FHIT: variants seen among roughly 807,000 people sequenced by gnomAD.
The protein encoded by FHIT is bis(5'-adenosyl)-triphosphatase.
Under a neutral mutation model 17.9 loss-of-function variants are expected in FHIT, and 19 were observed. The observed-to-expected ratio is 1.06, with a 90% CI of 0.74 to 1.56. FHIT has a LOEUF of 1.56. Ranked by LOEUF, FHIT falls within the 40% of genes most tolerant of loss-of-function variation. The pLI is 0.00. For missense variants in FHIT, 248 were observed against 189.2 expected (o/e 1.31, Z -1.82); for synonymous variants, 81 against 69.7 (o/e 1.16, Z -0.81).
At chr3:60,808,950 GT>G (rs1701485768) in intron 4 of FHIT, among the ~76,000 whole-genome samples, 1 of 152,104 alleles carries the variant, frequency 6.6e-6, no homozygotes, top group South Asian at 2.1e-4. Context: ...ACACGAAACA[GT>G]TTTTGTATGT....
At chr3:60,625,355 G>A (rs1295491753) in intron 4 of FHIT, among the ~76,000 whole-genome samples, 3 of 152,172 alleles carry the variant, frequency 2.0e-5, no homozygotes, top group African/African-American at 7.2e-5. Flanking sequence ...ACCTTTTGGG[G>A]AAATGATAGA....
chr3:59,895,774 G>A (rs1197697148), intron 8 of FHIT, among the ~76,000 whole-genome samples: 3 of 152,178 alleles, frequency 2.0e-5, no homozygotes, highest in South Asian at 2.1e-4. Flanking sequence ...TGTTAAAGGC[G>A]TTAATCAGAT....
At chr3:61,217,408 C>T (rs2039714045) in intron 1 of FHIT, among the ~76,000 whole-genome samples, 1 of 152,216 alleles carries the variant, frequency 6.6e-6, no homozygotes, top group Non-Finnish European at 1.5e-5. Context: ...GCTGAGACCA[C>T]AGCTAGAGCT....
At chr3:61,224,462 G>A (rs1018636427) in intron 1 of FHIT, among the ~76,000 whole-genome samples, 4 of 152,038 alleles carry the variant, frequency 2.6e-5, no homozygotes, top group Non-Finnish European at 5.9e-5. Context: ...TATCGCCCAG[G>A]CTGGAATGCA....
At chr3:60,689,717 G>C (rs2040942999) in intron 4 of FHIT, among the ~76,000 whole-genome samples, 1 of 152,066 alleles carries the variant, frequency 6.6e-6, no homozygotes, top group Non-Finnish European at 1.5e-5. Flanking sequence ...CAAATATTTA[G>C]AATATTTGAG....
At chr3:60,739,918 G>C (rs1553713556) in intron 4 of FHIT, among the ~76,000 whole-genome samples, 1 of 152,152 alleles carries the variant, frequency 6.6e-6, no homozygotes, top group Admixed American at 6.6e-5. Flanking sequence ...TCCTGCTCCT[G>C]AGAAGCTCAC....
chr3:61,210,860 A>G (rs2039442999), intron 1 of FHIT, among the ~76,000 whole-genome samples: 1 of 151,706 alleles, frequency 6.6e-6, no homozygotes, highest in Admixed American at 6.6e-5. Flanking sequence ...CTGGTACCTC[A>G]GTTGGAAATG....
intron 5 of FHIT, among the ~76,000 whole-genome samples, chr3:60,190,752 C>G (rs1283418028): frequency 6.6e-6 from 1 of 151,944 alleles, no homozygotes; most frequent in African/African-American, 2.4e-5. Context: ...TACCCTAAAA[C>G]TTAAAGTATA....
At chr3:60,040,253 C>G (rs2106828139) in intron 5 of FHIT, among the ~76,000 whole-genome samples, 1 of 152,168 alleles carries the variant, frequency 6.6e-6, no homozygotes, top group African/African-American at 2.4e-5. Context: ...TCAAGCAATT[C>G]TCCTGCTTCA....
At chr3:61,239,754 C>A (rs1273298875) in intron 1 of FHIT, among the ~76,000 whole-genome samples, 1 of 41,848 alleles carries the variant, frequency 2.4e-5, no homozygotes, top group African/African-American at 2.8e-4. Context: ...CAAAGAAAAA[C>A]AACTGGCCAT....
At chr3:61,220,446 G>A (rs988272709) in intron 1 of FHIT, among the ~76,000 whole-genome samples, 1 of 152,162 alleles carries the variant, frequency 6.6e-6, no homozygotes, top group Non-Finnish European at 1.5e-5. Flanking sequence ...ATTCCTAGAA[G>A]TTTTATTTCA....
Position 60,023,525 on chromosome 3 carries a change from G to C in FHIT, c.104-9373C>G, listed in dbSNP as rs11916155. On this transcript the variant is annotated intron_variant, in intron 5 of 9. Transcript: ENST00000492590. ...TTAGGTTTGCTTATGTCATTTAAGA[G>C]ACTAAAAATTCCAGTTTCCCTCAGA... is the stretch of plus-strand genomic sequence containing the variant. Among the ~76,000 whole-genome samples, 1,040 of 152,264 alleles carry C rather than the reference G, an allele frequency of 6.8e-3. 11 individuals are homozygous for C. The highest frequency in any genetic ancestry group is 0.023 in the African/African-American group (940 of 41,554).
intron 3 of FHIT, among the ~76,000 whole-genome samples, chr3:61,025,962 T>C (rs571894441): frequency 3.0e-4 from 46 of 152,358 alleles, no homozygotes; most frequent in African/African-American, 1.0e-3. Flanking sequence ...CCCTATTATA[T>C]ATTATTTTCA....
intron 8 of FHIT, among the ~76,000 whole-genome samples, chr3:59,785,030 A>T (rs543564771): frequency 2.0e-5 from 3 of 152,204 alleles, no homozygotes; most frequent in African/African-American, 7.2e-5. Context: ...GACAGGTCAC[A>T]TGGCCCGAGC....
intron 5 of FHIT, among the ~76,000 whole-genome samples, chr3:60,112,995 C>T (rs116834488): frequency 0.012 from 1,815 of 152,288 alleles, 38 homozygotes; most frequent in African/African-American, 0.041. Context: ...TGAGTGTCAA[C>T]CACAGTGTAG....
At chr3:60,019,192 G>A (rs775809756) in intron 5 of FHIT, among the ~76,000 whole-genome samples, 2 of 152,076 alleles carry the variant, frequency 1.3e-5, no homozygotes, top group Non-Finnish European at 2.9e-5. Flanking sequence ...ATTTGCTTAA[G>A]GCTTACATTG....
At chr3:60,867,789 A>G (rs940679383) in intron 3 of FHIT, among the ~76,000 whole-genome samples, 2 of 152,194 alleles carry the variant, frequency 1.3e-5, no homozygotes, top group Admixed American at 1.3e-4. Context: ...GCCTGGGTCT[A>G]TCTGAATGAC....
intron 7 of FHIT, among the ~76,000 whole-genome samples, chr3:59,924,311 TC>T (rs920840246): frequency 2.0e-4 from 31 of 152,114 alleles, no homozygotes; most frequent in African/African-American, 7.5e-4. Flanking sequence ...CCTCCTTTCT[TC>T]CCCTCTTCCT....
At chr3:60,677,892 G>T (rs2040660194) in intron 4 of FHIT, among the ~76,000 whole-genome samples, 1 of 152,000 alleles carries the variant, frequency 6.6e-6, no homozygotes, top group East Asian at 1.9e-4. Context: ...GTTCAATCTT[G>T]GGCAGTCATA....
Sources: allele counts gnomAD v4.1 joint callset (sites outside exome capture counted in the v4.1 genomes callset), GRCh38; gene constraint gnomAD v4.1.1; transcripts MANE v1.5; gene names NCBI Gene and HGNC (gene_info 2026-07-23, HGNC 2026-07-21).